STXBP5L: variants seen among roughly 807,000 people sequenced by gnomAD.
STXBP5L encodes syntaxin-binding protein 5-like.
STXBP5L carries 65 observed loss-of-function variants against 144.5 expected under a neutral mutation model. That is an observed-to-expected ratio of 0.45 (90% CI 0.37 to 0.55). STXBP5L has a LOEUF of 0.55. STXBP5L is among the 20% of genes least tolerant of loss of function. STXBP5L has a pLI of 0.00. For missense variants in STXBP5L, 1,298 were observed against 1,405.5 expected, an observed-to-expected ratio of 0.92 and a Z score of 1.22; for synonymous variants, 505 against 469.6, an observed-to-expected ratio of 1.08 and a Z score of -0.97.
intron 3 of STXBP5L, among the ~76,000 whole-genome samples, chr3:120,991,574 A>G (rs1480447040): frequency 1.3e-5 from 2 of 152,236 alleles, no homozygotes; most frequent in Non-Finnish European, 2.9e-5. Context: ...AAGACTTGGA[A>G]CCAACCCAAA....
chr3:121,173,207 A>G (rs2046796921), intron 9 of STXBP5L, among the ~76,000 whole-genome samples: 2 of 152,088 alleles, frequency 1.3e-5, no homozygotes, highest in Admixed American at 6.6e-5. Context: ...GAGGGATAGC[A>G]TTAGGAGAAA....
At chr3:121,071,353 C>A (rs1211960625) in intron 5 of STXBP5L, among the ~76,000 whole-genome samples, 3 of 152,200 alleles carry the variant, frequency 2.0e-5, no homozygotes, top group Non-Finnish European at 2.9e-5. Flanking sequence ...TAGTCAGATT[C>A]TGTTTGTGTG....
intron 20 of STXBP5L, among the ~76,000 whole-genome samples, chr3:121,376,005 G>A (rs1040519428): frequency 3.5e-4 from 53 of 152,140 alleles, no homozygotes; most frequent in African/African-American, 1.3e-3. Flanking sequence ...TATCAAAACA[G>A]AGCCAAACTC....
chr3:121,073,463 G>A (rs2041891326), intron 5 of STXBP5L, among the ~76,000 whole-genome samples: 1 of 152,204 alleles, frequency 6.6e-6, no homozygotes. Context: ...GGCTGCCAAT[G>A]CCTTGAAACA....
rs781740646 is a variant in STXBP5L at position 120,909,630 on chromosome 3, C to T, written c.52C>T (p.Pro18Ser). 3 of 1,613,502 alleles carry T rather than the reference C, an allele frequency of 1.9e-6. No homozygotes were observed. The Admixed American group carries it at 5.0e-5, about 27-fold the overall frequency. Residue 18 changes from proline to serine, a missense_variant, in exon 2 of 27, where the codon CCT becomes TCT. Coordinates refer to ENST00000471454, the MANE Select transcript of STXBP5L (RefSeq NM_001308330.2). ...KVLDGLTASS[P>S]GSGSSSGSNS... Reference sequence around the variant, plus strand: ...TTTGGATGGCTTAACTGCCTCCTCCCCTGGCAGTGGTAGCAGCAGTGGCAG... The same window carrying T: ...TTTGGATGGCTTAACTGCCTCCTCCTCTGGCAGTGGTAGCAGCAGTGGCAG...
intron 2 of STXBP5L, chr3:120,925,230 G>C (rs1709558266): frequency 6.6e-6 from 1 of 152,166 alleles, no homozygotes; most frequent in African/African-American, 2.4e-5. Context: ...TCTGGAGGAA[G>C]GGATGAGGAG....
At chr3:121,353,267 C>T (rs2045372079) in intron 20 of STXBP5L, among the ~76,000 whole-genome samples, 1 of 152,140 alleles carries the variant, frequency 6.6e-6, no homozygotes. Flanking sequence ...GTAACAGCTC[C>T]TGTTTGTACC....
chr3:121,068,807 T>C (rs2041670004), intron 5 of STXBP5L, among the ~76,000 whole-genome samples: 1 of 152,210 alleles, frequency 6.6e-6, no homozygotes, highest in South Asian at 2.1e-4. Context: ...GCATTCTTTT[T>C]CTTTTGCCTG....
intron 10 of STXBP5L, among the ~76,000 whole-genome samples, chr3:121,207,157 G>T (rs2048368201): frequency 6.6e-6 from 1 of 152,080 alleles, no homozygotes; most frequent in Non-Finnish European, 1.5e-5. Flanking sequence ...TGTTTGAACA[G>T]AGCCCTCAGA....
At chr3:120,960,483 A>G (rs1000969443) in intron 3 of STXBP5L, among the ~76,000 whole-genome samples, 3 of 152,202 alleles carry the variant, frequency 2.0e-5, no homozygotes, top group African/African-American at 4.8e-5. Context: ...GGCACTATTC[A>G]TAATAGCAAA....
intron 2 of STXBP5L, among the ~76,000 whole-genome samples, chr3:120,911,047 A>G (rs1323442966): frequency 6.6e-6 from 1 of 152,094 alleles, no homozygotes; most frequent in Non-Finnish European, 1.5e-5. Flanking sequence ...TGATTCTCTA[A>G]TCTTTGATGT....
chr3:121,182,881 C>T (rs575551954), intron 9 of STXBP5L, among the ~76,000 whole-genome samples: 20 of 152,070 alleles, frequency 1.3e-4, no homozygotes, highest in Non-Finnish European at 2.6e-4. Context: ...AGACCAATAT[C>T]CCTGATGAAC....
At chr3:121,039,747 C>G (rs1576744747) in intron 3 of STXBP5L, among the ~76,000 whole-genome samples, 2 of 151,284 alleles carry the variant, frequency 1.3e-5, no homozygotes, top group South Asian at 2.1e-4. Flanking sequence ...TCTCCCTCCT[C>G]TTTCTCTTTT....
intron 3 of STXBP5L, among the ~76,000 whole-genome samples, chr3:120,973,786 A>G (rs1182645556): frequency 2.6e-5 from 4 of 151,566 alleles, no homozygotes; most frequent in Non-Finnish European, 5.9e-5. Context: ...GAGTGAGAAC[A>G]TGCGGTGTTT....
chr3:121,291,431 CCATGCT>C (rs1335294884), intron 19 of STXBP5L, among the ~76,000 whole-genome samples: 1 of 152,070 alleles, frequency 6.6e-6, no homozygotes, highest in Non-Finnish European at 1.5e-5. Flanking sequence ...GAAATACATG[CCATGCT>C]CATGGATGGG....
intron 7 of STXBP5L, among the ~76,000 whole-genome samples, chr3:121,136,912 G>A (rs2107922386): frequency 6.6e-6 from 1 of 152,240 alleles, no homozygotes; most frequent in East Asian, 1.9e-4. Context: ...TTAAAAATGA[G>A]GTCATGGCCT....
chr3:121,362,397 G>A (rs760111530), intron 20 of STXBP5L, among the ~76,000 whole-genome samples: 1 of 152,188 alleles, frequency 6.6e-6, no homozygotes, highest in Non-Finnish European at 1.5e-5. Context: ...CTAGGTCCTG[G>A]GTAGGTCCAG....
chr3:121,094,799 A>T (rs1384598709), intron 5 of STXBP5L, among the ~76,000 whole-genome samples: 1 of 151,752 alleles, frequency 6.6e-6, no homozygotes, highest in East Asian at 1.9e-4. Context: ...TTATGTGTGA[A>T]TTTGAACCTT....
At chr3:121,018,214 G>A (rs1945280468) in intron 3 of STXBP5L, among the ~76,000 whole-genome samples, 1 of 152,126 alleles carries the variant, frequency 6.6e-6, no homozygotes, top group African/African-American at 2.4e-5. Flanking sequence ...TTGTAGATAA[G>A]AGCAAAGTGA....
Sources: gnomAD v4.1 joint callset for allele counts (sites outside exome capture counted in the v4.1 genomes callset) on GRCh38, gnomAD v4.1.1 for gene constraint, MANE v1.5 for transcripts, NCBI Gene and HGNC (gene_info 2026-07-23, HGNC 2026-07-21) for gene names.